PHACTR4: variants seen among roughly 807,000 people sequenced by gnomAD.
The protein encoded by PHACTR4 is protein phosphatase 1, regulatory subunit 124.
PHACTR4 carries 51 observed loss-of-function variants against 72.7 expected under a neutral mutation model. The observed-to-expected ratio is 0.70, with a 90% CI of 0.56 to 0.89. The LOEUF (loss-of-function observed/expected upper bound fraction) is 0.89, where lower values mean the gene tolerates loss of function less well. Among genes scored for constraint, PHACTR4 ranks in the 40% least tolerant of loss-of-function variants. The pLI is 0.00. For synonymous variants in PHACTR4, 255 were observed against 302.5 expected, an observed-to-expected ratio of 0.84 and a Z score of 1.63; for missense variants, 731 against 861.8, an observed-to-expected ratio of 0.85 and a Z score of 1.90.
At chr1:28,383,290 A>G (rs534862201) in intron 1 of PHACTR4, among the ~76,000 whole-genome samples, 4 of 152,220 alleles carry the variant, frequency 2.6e-5, no homozygotes, top group African/African-American at 7.2e-5. Context: ...GTTGGATAGC[A>G]TGATGCCTCC....
chr1:28,393,995 G>C (rs886202524), intron 1 of PHACTR4, among the ~76,000 whole-genome samples: 3 of 152,070 alleles, frequency 2.0e-5, no homozygotes, highest in African/African-American at 7.2e-5. Context: ...TTACAGGTGT[G>C]AGCCACCTCA....
At chr1:28,468,039 C>T (rs1659318409) in intron 6 of PHACTR4, among the ~76,000 whole-genome samples, 1 of 152,038 alleles carries the variant, frequency 6.6e-6, no homozygotes, top group African/African-American at 2.4e-5. Flanking sequence ...TTTAATATCA[C>T]CATGTTGGGT....
chr1:28,409,839 TC>T (rs1201703896), intron 2 of PHACTR4, among the ~76,000 whole-genome samples: 3 of 151,746 alleles, frequency 2.0e-5, no homozygotes, highest in East Asian at 1.9e-4. Flanking sequence ...TGGCTTTCTT[TC>T]CCCCCTGAAG....
chr1:28,474,300 G>T, intron 7 of PHACTR4, 149 bp downstream of exon 7: 3 of 718,838 alleles, frequency 4.2e-6, no homozygotes, highest in South Asian at 1.9e-5. Context: ...CAAATGGACC[G>T]ATCACCTGAG....
At chr1:28,388,828 C>T (rs765857364) in intron 1 of PHACTR4, among the ~76,000 whole-genome samples, 29 of 151,704 alleles carry the variant, frequency 1.9e-4, no homozygotes, top group Non-Finnish European at 3.4e-4. Flanking sequence ...CCAGCCTGGG[C>T]GACAGAGCCA....
At chr1:28,486,312 G>C (rs1336446712) in intron 9 of PHACTR4, among the ~76,000 whole-genome samples, 3 of 151,112 alleles carry the variant, frequency 2.0e-5, no homozygotes, top group East Asian at 4.0e-4. Flanking sequence ...GCCAAGATCG[G>C]GCCACTGCAC....
At chr1:28,487,728 T>TG in intron 9 of PHACTR4, among the ~76,000 whole-genome samples, 1 of 62,192 alleles carries the variant, frequency 1.6e-5, no homozygotes, top group African/African-American at 7.3e-5. Flanking sequence ...TTTTTTGTTG[T>TG]TTTTTTTTTT....
intron 2 of PHACTR4, chr1:28,438,323 A>C: frequency 6.3e-7 from 1 of 1,584,302 alleles, no homozygotes; most frequent in Non-Finnish European, 8.6e-7. Flanking sequence ...TTTATCTTTT[A>C]TGAAAAGTTT....
intron 1 of PHACTR4, among the ~76,000 whole-genome samples, chr1:28,405,950 T>C (rs189885301): frequency 6.6e-6 from 1 of 152,218 alleles, no homozygotes; most frequent in African/African-American, 2.4e-5. Flanking sequence ...CCCAGATTTC[T>C]ATCTATCTTA....
intron 2 of PHACTR4, among the ~76,000 whole-genome samples, chr1:28,408,790 C>T (rs932500750): frequency 2.0e-5 from 3 of 151,330 alleles, no homozygotes; most frequent in Admixed American, 6.6e-5. Context: ...ATCCTTTCAA[C>T]TCAGCCTCCT....
At chr1:28,486,514 G>A (rs921759026) in intron 9 of PHACTR4, among the ~76,000 whole-genome samples, 1 of 151,990 alleles carries the variant, frequency 6.6e-6, no homozygotes, top group South Asian at 2.1e-4. Context: ...CAGTTATATC[G>A]TATTAAAGCT....
chr1:28,488,014 ATGCATGAGCC>A (rs1660810961), intron 9 of PHACTR4, among the ~76,000 whole-genome samples: 1 of 151,966 alleles, frequency 6.6e-6, no homozygotes, highest in Non-Finnish European at 1.5e-5. Context: ...TGGGGATTAC[ATGCATGAGCC>A]ACCACACCTG....
intron 10 of PHACTR4, among the ~76,000 whole-genome samples, chr1:28,490,139 A>G (rs1660940009): frequency 6.6e-6 from 1 of 152,240 alleles, no homozygotes; most frequent in African/African-American, 2.4e-5. Flanking sequence ...TTCTTAGTTC[A>G]TGGGCAGGAA....
intron 2 of PHACTR4, among the ~76,000 whole-genome samples, chr1:28,419,734 A>T (rs1210744773): frequency 6.6e-6 from 1 of 152,204 alleles, no homozygotes; most frequent in Non-Finnish European, 1.5e-5. Context: ...TTACCCTAGG[A>T]ATAGGATAAT....
At position 28,483,179 on chromosome 1, in the gene PHACTR4, G is replaced by A. The variant is rs186037252; in HGVS notation, c.1760+2575G>A. ...AGCACTTTGGGAGGCTGAGGTGGGCGGATCACTTGAGCCCAGGAGTTCGAG... is the reference window on the plus strand; with the variant it reads ...AGCACTTTGGGAGGCTGAGGTGGGCAGATCACTTGAGCCCAGGAGTTCGAG... On this transcript the variant is annotated intron_variant, in intron 9 of 13. Transcript: ENST00000373839. Among the ~76,000 whole-genome samples, 123 of 152,108 alleles carry A rather than the reference G, an allele frequency of 8.1e-4. 1 individual carries two copies. Among genetic ancestry groups the A allele is most frequent in the African/African-American group, 2.7e-3 (111 of 41,508 alleles).
chr1:28,414,801 A>G (rs1282084685), intron 2 of PHACTR4, among the ~76,000 whole-genome samples: 2 of 152,200 alleles, frequency 1.3e-5, no homozygotes, highest in Non-Finnish European at 2.9e-5. Flanking sequence ...AGTGTAGGAC[A>G]GACATTGAAG....
rs779881955 is a variant in PHACTR4 at position 28,473,597 on chromosome 1, A to G, written c.867A>G (p.Lys289=). 6.2e-7 allele frequency: 1 copy of G among 1,613,758 alleles called. No individual in the cohort carries two copies. Among genetic ancestry groups the G allele is most frequent in the Non-Finnish European group, 8.5e-7 (1 of 1,179,802 alleles). ...QAINSGTLLS[K]PSPPLPPKRG... The stretch of plus-strand genomic sequence containing the variant: ...TAAACAGTGGTACATTGTTATCAAA[A>G]CCGTCCCCACCCTTACCACCTAAGA... The change falls in exon 7 of 14, where the codon AAA becomes AAG. Residue 289 remains lysine (K), a synonymous_variant. Transcript: ENST00000373839.
At position 28,489,172 on chromosome 1, in the gene PHACTR4, G is replaced by A. The variant is rs1322426541; in HGVS notation, c.1763G>A (p.Arg588Gln). 12 of 1,610,926 alleles carry A rather than the reference G, an allele frequency of 7.4e-6. No individual in the cohort carries two copies. The highest frequency in any genetic ancestry group is 1.3e-5 in the African/African-American group (1 of 74,816). The change falls in exon 10 of 14, where the codon CGA (arginine) becomes CAA (glutamine). Residue 588 changes from arginine (R) to glutamine (Q), a missense_variant and splice_region_variant. Physicochemically the swap from Arg to Gln is conservative, Grantham distance 43. Transcript: ENST00000373839. ...ACCTTTATTTATCTCATTTTTAGGC[G>A]ACTGAGTCAAAGACCAACACCAGAA... is the stretch of plus-strand genomic sequence containing the variant. Reference protein sequence around the residue: ...RHQIGNTLIRRLSQRPTPEEL... With the variant: ...RHQIGNTLIRQLSQRPTPEEL...
intron 1 of PHACTR4, among the ~76,000 whole-genome samples, chr1:28,385,120 T>C (rs1367702278): frequency 6.6e-6 from 1 of 152,188 alleles, no homozygotes; most frequent in African/African-American, 2.4e-5. Context: ...TTGATGTGGA[T>C]ACTTAGTGCT....
Sources: allele counts gnomAD v4.1 joint callset (sites outside exome capture counted in the v4.1 genomes callset), GRCh38; gene constraint gnomAD v4.1.1; transcripts MANE v1.5; gene names NCBI Gene and HGNC (gene_info 2026-07-23, HGNC 2026-07-21).